PEX14: variants seen among roughly 807,000 people sequenced by gnomAD.
The protein encoded by PEX14 is peroxisomal biogenesis factor 14.
Under a neutral mutation model 49.5 loss-of-function variants are expected in PEX14, and 15 were observed. That is an observed-to-expected ratio of 0.30 (90% CI 0.20 to 0.47). The LOEUF (loss-of-function observed/expected upper bound fraction) is 0.47, where lower values mean the gene tolerates loss of function less well. PEX14 is among the 20% of genes least tolerant of loss of function. The pLI, the probability that PEX14 is intolerant of heterozygous loss-of-function variation, is 1.00. For synonymous variants in PEX14, 210 were observed against 212.7 expected (o/e 0.99, Z 0.11); for missense variants, 398 against 494.8 (o/e 0.80, Z 1.86).
chr1:10,607,945 A>G (rs755042316), intron 4 of PEX14, among the ~76,000 whole-genome samples: 13 of 152,082 alleles, frequency 8.5e-5, no homozygotes, highest in Admixed American at 3.9e-4. Flanking sequence ...GACTTTGTCT[A>G]TTCCAAGGTT....
intron 5 of PEX14, among the ~76,000 whole-genome samples, chr1:10,621,367 G>A (rs1384026183): frequency 8.1e-6 from 1 of 123,260 alleles, no homozygotes; most frequent in Non-Finnish European, 1.6e-5. Flanking sequence ...TTTTTTTTGA[G>A]ACACAGTCTA....
chr1:10,592,675 C>T (rs1440500850), intron 3 of PEX14, among the ~76,000 whole-genome samples: 3 of 152,198 alleles, frequency 2.0e-5, no homozygotes, highest in Non-Finnish European at 4.4e-5. Flanking sequence ...AGTACGTCTG[C>T]CTTGTGGAAT....
chr1:10,585,288 A>G (rs1640447897), intron 3 of PEX14, among the ~76,000 whole-genome samples: 1 of 152,234 alleles, frequency 6.6e-6, no homozygotes, highest in Non-Finnish European at 1.5e-5. Flanking sequence ...AATCCATCAG[A>G]AACCACCTTG....
intron 2 of PEX14, among the ~76,000 whole-genome samples, chr1:10,507,232 G>A (rs1028964269): frequency 1.8e-4 from 28 of 152,262 alleles, no homozygotes; most frequent in Non-Finnish European, 2.9e-4. Flanking sequence ...GAAAGCTGGT[G>A]TCCATGCTGC....
chr1:10,604,129 A>AC (rs1557868692), intron 4 of PEX14, among the ~76,000 whole-genome samples: 1 of 152,214 alleles, frequency 6.6e-6, no homozygotes, highest in Non-Finnish European at 1.5e-5. Flanking sequence ...CCCGTCTGGT[A>AC]GGAAAGACGG....
rs760848553 is a variant in PEX14, at chr1:10,598,824, AT to A, written c.170-412del. On this transcript the variant is annotated intron_variant, in intron 3 of 8. Coordinates refer to ENST00000356607, the MANE Select transcript of PEX14 (RefSeq NM_004565.3). The stretch of plus-strand genomic sequence containing the variant: ...GACTAATTAGTCGTCTCACCCAATA[AT>A]TAGTTTTTTGTTTCCCTGTCTGTTT... Among the ~76,000 whole-genome samples, 228 of 151,904 alleles carry A rather than the reference AT, an allele frequency of 1.5e-3. 1 individual carries two copies. Among genetic ancestry groups the A allele is most frequent in the Non-Finnish European group, 1.3e-3 (90 of 67,966 alleles).
At chr1:10,593,689 G>A (rs1477749857) in intron 3 of PEX14, among the ~76,000 whole-genome samples, 2 of 151,062 alleles carry the variant, frequency 1.3e-5, no homozygotes, top group African/African-American at 2.4e-5. Flanking sequence ...AGGTTGGGGG[G>A]CTGGGGGAGG....
intron 5 of PEX14, 45 bp from the exon 6 acceptor site, chr1:10,622,974 A>T (rs377146942): frequency 6.0e-6 from 8 of 1,326,378 alleles, no homozygotes; most frequent in Non-Finnish European, 8.6e-6. Flanking sequence ...TTGGAGGATA[A>T]CCCCGGGTCC....
chr1:10,602,599 A>G (rs1164202873), intron 4 of PEX14, among the ~76,000 whole-genome samples: 2 of 152,220 alleles, frequency 1.3e-5, no homozygotes, highest in Admixed American at 6.5e-5. Context: ...TAGTTTAAAC[A>G]TGCTCCAAAA....
At chr1:10,521,323 A>G (rs1313197835) in intron 2 of PEX14, among the ~76,000 whole-genome samples, 1 of 151,944 alleles carries the variant, frequency 6.6e-6, no homozygotes, top group Non-Finnish European at 1.5e-5. Flanking sequence ...TTGTCTCCAC[A>G]TGCAAATACT....
In PEX14 at chr1:10,495,826, C is replaced by A. The variant is rs1641551005; in HGVS notation, c.84+505C>A. On this transcript the variant is annotated intron_variant, in intron 2 of 8. Coordinates refer to ENST00000356607, the MANE Select transcript of PEX14 (RefSeq NM_004565.3). The surrounding 1 kb of genome is among the most constrained non-coding windows in gnomAD (Gnocchi z 4.2). ...TAGGGAAGAGGCCTATTAAGCACTG[C>A]AGGTAATTTTCTCTCCCAAGTGCTT... Among the ~76,000 whole-genome samples the A allele has an allele frequency of 6.6e-6, 1 of 152,164 alleles. No individual in the cohort carries two copies. Among genetic ancestry groups the A allele is most frequent in the African/African-American group, 2.4e-5 (1 of 41,434 alleles).
chr1:10,616,494 C>T (rs1332997933), intron 4 of PEX14, among the ~76,000 whole-genome samples: 1 of 152,186 alleles, frequency 6.6e-6, no homozygotes, highest in Non-Finnish European at 1.5e-5. Flanking sequence ...CCCCTTTCTC[C>T]CAGATGAGCA....
At chr1:10,599,136 G>A in intron 3 of PEX14, 102 bp from the exon 4 acceptor site, 1 of 1,198,666 alleles carries the variant, frequency 8.3e-7, no homozygotes, top group South Asian at 1.2e-5. Flanking sequence ...TAGGATGCGA[G>A]GCATTCTGTG....
chr1:10,513,470 T>C (rs1037431906), intron 2 of PEX14, among the ~76,000 whole-genome samples: 2 of 152,208 alleles, frequency 1.3e-5, no homozygotes, highest in Admixed American at 6.5e-5. Context: ...CTGGCCGTTT[T>C]AATTGAACTG....
intron 3 of PEX14, among the ~76,000 whole-genome samples, chr1:10,546,677 C>G (rs548312739): frequency 6.7e-6 from 1 of 149,646 alleles, no homozygotes; most frequent in Non-Finnish European, 1.5e-5. Flanking sequence ...CCATCCTGGC[C>G]AACACCGTGA....
chr1:10,582,636 C>T (rs1640354532), intron 3 of PEX14, among the ~76,000 whole-genome samples: 1 of 152,188 alleles, frequency 6.6e-6, no homozygotes, highest in African/African-American at 2.4e-5. Flanking sequence ...TGATGCCTGA[C>T]TCTCTCCAGA....
chr1:10,485,726 A>G (rs949475043), intron 1 of PEX14, among the ~76,000 whole-genome samples: 5 of 149,970 alleles, frequency 3.3e-5, no homozygotes, highest in Admixed American at 6.6e-5. Context: ...TTGGTCTTGT[A>G]TCTGCAACCT....
intron 3 of PEX14, among the ~76,000 whole-genome samples, chr1:10,557,010 A>G: frequency 6.6e-6 from 1 of 152,030 alleles, no homozygotes; most frequent in Middle Eastern, 3.2e-3. Flanking sequence ...TCATTTGAGT[A>G]AGTCATTAAG....
At chr1:10,561,878 T>C (rs1639661396) in intron 3 of PEX14, among the ~76,000 whole-genome samples, 1 of 152,178 alleles carries the variant, frequency 6.6e-6, no homozygotes, top group Non-Finnish European at 1.5e-5. Flanking sequence ...CTCACTTTCA[T>C]TTGAGTGTTA....
Sources: allele counts gnomAD v4.1 joint callset (sites outside exome capture counted in the v4.1 genomes callset), GRCh38; gene constraint gnomAD v4.1.1; non-coding constraint Gnocchi (gnomAD v3.1); transcripts MANE v1.5; gene names NCBI Gene and HGNC (gene_info 2026-07-23, HGNC 2026-07-21).